SLC44A5: variants seen among roughly 807,000 people sequenced by gnomAD.
SLC44A5 encodes the protein solute carrier family 44 member 5.
Under a neutral mutation model 101.8 loss-of-function variants are expected in SLC44A5, and 57 were observed. The observed-to-expected ratio is 0.56, with a 90% CI of 0.45 to 0.70. The LOEUF is 0.70. Among genes scored for constraint, SLC44A5 ranks in the 30% least tolerant of loss-of-function variants. The probability of loss-of-function intolerance (pLI) is 0.00; values close to 1 mark genes in which losing one functional copy is unlikely to be tolerated. For missense variants in SLC44A5, 737 were observed against 853.1 expected (o/e 0.86, Z 1.70); for synonymous variants, 281 against 290.9 (o/e 0.97, Z 0.35).
the SLC44A5 span, among the ~76,000 whole-genome samples, chr1:75,632,174 A>C: frequency 6.6e-6 from 1 of 152,172 alleles, no homozygotes; most frequent in Non-Finnish European, 1.5e-5. Flanking sequence ...CTGAACTCTG[A>C]AACTTTGTTC....
intron 11 of SLC44A5, among the ~76,000 whole-genome samples, chr1:75,235,539 T>G (rs2100576086): frequency 6.6e-6 from 1 of 152,122 alleles, no homozygotes; most frequent in South Asian, 2.1e-4. Context: ...CTGTCGAGAA[T>G]AGACTACAAT....
In SLC44A5 at chr1:75,203,660, A is replaced by G. The variant is rs1646698472; in HGVS notation, c.*67T>C. ...CTAAACACAAAGCACTTATGAAACA[A>G]ATGTTGCACAGACACAGCAGATGGA... On this transcript the variant is annotated 3_prime_UTR_variant, in exon 24 of 24. Coordinates refer to ENST00000370859, the MANE Select transcript of SLC44A5 (RefSeq NM_001130058.2). 1 of 1,484,200 alleles carries G rather than the reference A, an allele frequency of 6.7e-7. No individual in the cohort carries two copies. The allele number at this position is 1,484,200 out of a possible 1,614,324, so 91.9% of individuals were successfully genotyped here. A position where few individuals can be genotyped will look rare whatever the true frequency, so the allele number is the denominator to read the frequency against.
chr1:75,376,459 A>G lies in SLC44A5; in HGVS notation c.52+20124T>C, dbSNP rs561444341. 1.6e-3 allele frequency among the ~76,000 whole-genome samples: 251 copies of G among 152,308 alleles called. 1 individual carries two copies. The highest frequency in any genetic ancestry group is 5.2e-3 in the Admixed American group (79 of 15,302). ...CCTGTCTGACAGCTTTGAAGAGAGC[A>G]GTGGTTCTCCCAGCACGCAGCTGGA... On this transcript the variant is annotated intron_variant, in intron 3 of 23. Coordinates refer to ENST00000370859, the MANE Select transcript of SLC44A5 (RefSeq NM_001130058.2).
chr1:75,214,580 T>C, intron 20 of SLC44A5, 25 bp downstream of exon 20: 1 of 1,592,582 alleles, frequency 6.3e-7, no homozygotes, highest in East Asian at 2.2e-5. Context: ...ATTGTTAAAT[T>C]ACATTGTGCA....
intron 2 of SLC44A5, among the ~76,000 whole-genome samples, chr1:75,416,083 C>G (rs1663624271): frequency 6.6e-6 from 1 of 152,164 alleles, no homozygotes; most frequent in African/African-American, 2.4e-5. Flanking sequence ...ATGTTAATCC[C>G]CAAGACAATG....
chr1:75,242,049 G>T lies in SLC44A5; in HGVS notation c.484C>A (p.Leu162Ile). ...TAKPVKSLTQLLLDDDCPTAI... is the reference protein window; with the variant it reads ...TAKPVKSLTQILLDDDCPTAI... Reference sequence around the variant, plus strand: ...GTTGGACAATCATCATCCAGTAAAAGCTGTGTGAGAGACTAAAATAGAAGG... The same window carrying T: ...GTTGGACAATCATCATCCAGTAAAATCTGTGTGAGAGACTAAAATAGAAGG... The change falls in exon 9 of 24, where the codon CTT becomes ATT. Residue 162 changes from leucine (L) to isoleucine (I), a missense_variant. Coordinates refer to ENST00000370859, the MANE Select transcript of SLC44A5 (RefSeq NM_001130058.2). 6.2e-7 allele frequency: 1 copy of T among 1,612,080 alleles called. No individual in the cohort carries two copies. The highest frequency in any genetic ancestry group is 1.3e-5 in the African/African-American group (1 of 74,878).
intron 1 of SLC44A5, among the ~76,000 whole-genome samples, chr1:75,593,469 G>A (rs1320112763): frequency 1.3e-5 from 2 of 152,062 alleles, no homozygotes; most frequent in African/African-American, 4.8e-5. Context: ...ATATGATCCA[G>A]CAATCCCACT....
chr1:75,273,950 G>A (rs1358850615), intron 6 of SLC44A5, among the ~76,000 whole-genome samples: 1 of 152,068 alleles, frequency 6.6e-6, no homozygotes, highest in Non-Finnish European at 1.5e-5. Context: ...AGTAGGATCG[G>A]TACCAATTCT....
At chr1:75,338,061 A>G (rs1217715111) in intron 4 of SLC44A5, among the ~76,000 whole-genome samples, 1 of 152,166 alleles carries the variant, frequency 6.6e-6, no homozygotes, top group Non-Finnish European at 1.5e-5. Context: ...AGTTACAAAT[A>G]GGCCAACTAT....
intron 1 of SLC44A5, among the ~76,000 whole-genome samples, chr1:75,588,394 C>A (rs1674144308): frequency 6.6e-6 from 1 of 151,956 alleles, no homozygotes; most frequent in South Asian, 2.1e-4. Context: ...TCATTTAATC[C>A]TCACCATAGT....
chr1:75,357,061 CCTAT>C, intron 3 of SLC44A5: 1 of 396,666 alleles, frequency 2.5e-6, no homozygotes, highest in Non-Finnish European at 5.1e-6. Context: ...CGTTGCATTT[CCTAT>C]CTTTTTTCTC....
At chr1:75,315,842 G>C (rs1467834610) in intron 4 of SLC44A5, among the ~76,000 whole-genome samples, 1 of 152,044 alleles carries the variant, frequency 6.6e-6, no homozygotes, top group African/African-American at 2.4e-5. Flanking sequence ...TTTCATCCAA[G>C]CTAAAAATTC....
intron 1 of SLC44A5, among the ~76,000 whole-genome samples, chr1:75,606,996 A>T (rs561594905): frequency 6.6e-6 from 1 of 152,080 alleles, no homozygotes; most frequent in South Asian, 2.1e-4. Flanking sequence ...CCAGTCTGTG[A>T]TCTTAAATAC....
At chr1:75,471,344 A>G (rs2101730930) in intron 2 of SLC44A5, among the ~76,000 whole-genome samples, 1 of 151,436 alleles carries the variant, frequency 6.6e-6, no homozygotes, top group Admixed American at 6.6e-5. Context: ...AAAATTTCAA[A>G]TCCCTCTCCA....
intron 2 of SLC44A5, among the ~76,000 whole-genome samples, chr1:75,424,061 C>T (rs1664165128): frequency 6.6e-6 from 1 of 152,288 alleles, no homozygotes; most frequent in South Asian, 2.1e-4. Context: ...GACTACCTCA[C>T]AGAACACAGG....
chr1:75,219,360 T>C lies in SLC44A5; in HGVS notation c.1179-16A>G. 1 of 1,565,044 alleles carries C rather than the reference T, an allele frequency of 6.4e-7. No homozygotes were observed. Among genetic ancestry groups the C allele is most frequent in the Non-Finnish European group, 8.8e-7 (1 of 1,135,580 alleles). On this transcript the variant is annotated splice_polypyrimidine_tract_variant and intron_variant, in intron 15 of 23. Coordinates refer to ENST00000370859, the MANE Select transcript of SLC44A5 (RefSeq NM_001130058.2). ...CGCCAAGAAACTGAATAAACTCCAT[T>C]AAGGATAAACCATTTGCTGGTAGAT...
intron 2 of SLC44A5, chr1:75,538,096 T>C (rs1185798274): frequency 6.6e-6 from 1 of 152,202 alleles, no homozygotes; most frequent in East Asian, 1.9e-4. Flanking sequence ...CCAGTGTTGA[T>C]ACCAACAGGA....
chr1:75,339,441 G>A (rs938765165), intron 4 of SLC44A5, 141 bp downstream of exon 4: 6 of 634,250 alleles, frequency 9.5e-6, no homozygotes, highest in Admixed American at 5.5e-5. Context: ...TGTAAATAAG[G>A]TGACATTTAG....
chr1:75,504,859 T>C (rs888928527), intron 2 of SLC44A5, among the ~76,000 whole-genome samples: 1 of 152,148 alleles, frequency 6.6e-6, no homozygotes, highest in East Asian at 1.9e-4. Context: ...CAACTTTTAT[T>C]TTAGATTCAA....
Sources: allele counts gnomAD v4.1 joint callset (sites outside exome capture counted in the v4.1 genomes callset), GRCh38; gene constraint gnomAD v4.1.1; transcripts MANE v1.5; gene names NCBI Gene and HGNC (gene_info 2026-07-23, HGNC 2026-07-21).